ZNF804B: variants seen among roughly 807,000 people sequenced by gnomAD.
ZNF804B encodes zinc finger protein 804B, also known as zinc finger 804B.
In ZNF804B, 80 loss-of-function variants were observed where a neutral mutation model predicts 101.4. That is an observed-to-expected ratio of 0.79 (90% CI 0.66 to 0.95). ZNF804B has a LOEUF of 0.95. Among genes scored for constraint, ZNF804B ranks in the 40% least tolerant of loss-of-function variants. The probability of loss-of-function intolerance (pLI) is 0.00; values close to 1 mark genes in which losing one functional copy is unlikely to be tolerated. For missense variants in ZNF804B, 1,673 were observed against 1,561.9 expected, an observed-to-expected ratio of 1.07 and a Z score of -1.20; for synonymous variants, 622 against 558.8, an observed-to-expected ratio of 1.11 and a Z score of -1.59.
intron 1 of ZNF804B, among the ~76,000 whole-genome samples, chr7:89,189,783 A>C (rs1476324161): frequency 6.6e-6 from 1 of 152,186 alleles, no homozygotes; most frequent in South Asian, 2.1e-4. Flanking sequence ...TCCTCAGATA[A>C]ATTTTTTTCT....
intron 1 of ZNF804B, among the ~76,000 whole-genome samples, chr7:88,841,402 A>G (rs1488332820): frequency 1.3e-5 from 2 of 152,140 alleles, no homozygotes; most frequent in African/African-American, 4.8e-5. Flanking sequence ...CACATAATAA[A>G]GCCACAATAA....
At chr7:89,171,324 TC>T (rs1244761463) in intron 1 of ZNF804B, among the ~76,000 whole-genome samples, 1 of 128,820 alleles carries the variant, frequency 7.8e-6, no homozygotes, top group African/African-American at 2.9e-5. Context: ...TTCTTCTTCT[TC>T]TTCTTCTTCT....
At chr7:89,185,024 A>T (rs1207806290) in intron 1 of ZNF804B, among the ~76,000 whole-genome samples, 2 of 152,318 alleles carry the variant, frequency 1.3e-5, no homozygotes, top group African/African-American at 2.4e-5. Flanking sequence ...AATGATAAGT[A>T]TCCATTATTG....
intron 1 of ZNF804B, among the ~76,000 whole-genome samples, chr7:88,765,881 T>G (rs979497867): frequency 2.0e-4 from 26 of 131,466 alleles, no homozygotes; most frequent in Non-Finnish European, 3.1e-4. Context: ...TTACGTAGTC[T>G]CTCTTGTTTT....
At chr7:88,993,880 C>A (rs1161486448) in intron 1 of ZNF804B, among the ~76,000 whole-genome samples, 1 of 151,866 alleles carries the variant, frequency 6.6e-6, no homozygotes, top group Non-Finnish European at 1.5e-5. Flanking sequence ...TTGAAAGAAA[C>A]AAGTGATTAT....
At chr7:89,013,107 C>T (rs1047830843) in intron 1 of ZNF804B, among the ~76,000 whole-genome samples, 1 of 152,154 alleles carries the variant, frequency 6.6e-6, no homozygotes, top group African/African-American at 2.4e-5. Context: ...GATCCAATTA[C>T]CTCCACCTGG....
chr7:88,977,358 A>G (rs751101774), intron 1 of ZNF804B, among the ~76,000 whole-genome samples: 1 of 151,316 alleles, frequency 6.6e-6, no homozygotes, highest in Admixed American at 6.6e-5. Context: ...AAATTTTACA[A>G]TGAAGCCATC....
intron 1 of ZNF804B, among the ~76,000 whole-genome samples, chr7:88,770,967 A>G (rs1451877800): frequency 6.6e-6 from 1 of 152,220 alleles, no homozygotes; most frequent in African/African-American, 2.4e-5. Context: ...ATTTTAATGT[A>G]GTGCAGGTTT....
chr7:89,148,165 C>T (rs2116401687), intron 1 of ZNF804B, among the ~76,000 whole-genome samples: 1 of 152,040 alleles, frequency 6.6e-6, no homozygotes, highest in East Asian at 1.9e-4. Context: ...ATCTATTAAA[C>T]TTTCTAAATT....
chr7:88,812,155 G>A (rs1193738308), intron 1 of ZNF804B, among the ~76,000 whole-genome samples: 2 of 152,114 alleles, frequency 1.3e-5, no homozygotes, highest in Non-Finnish European at 2.9e-5. Flanking sequence ...TAATAGTTGA[G>A]TACTTAGGCA....
intron 1 of ZNF804B, among the ~76,000 whole-genome samples, chr7:88,800,355 G>T (rs1790559258): frequency 6.6e-6 from 1 of 152,036 alleles, no homozygotes; most frequent in South Asian, 2.1e-4. Context: ...ACGGAACAGT[G>T]TTTGGTAATT....
At chr7:89,203,305 G>A (rs1174083838) in intron 1 of ZNF804B, among the ~76,000 whole-genome samples, 1 of 152,154 alleles carries the variant, frequency 6.6e-6, no homozygotes, top group Non-Finnish European at 1.5e-5. Flanking sequence ...TCTCATAAAT[G>A]CAGGTATATG....
chr7:89,179,386 A>G (rs995974465), intron 1 of ZNF804B, among the ~76,000 whole-genome samples: 1 of 151,448 alleles, frequency 6.6e-6, no homozygotes, highest in Admixed American at 6.6e-5. Context: ...TAAGCTCACT[A>G]TTTCTTTCTT....
At chr7:88,981,514 T>C (rs550269438) in intron 1 of ZNF804B, among the ~76,000 whole-genome samples, 1 of 152,152 alleles carries the variant, frequency 6.6e-6, no homozygotes, top group South Asian at 2.1e-4. Flanking sequence ...GGTCTCTCAC[T>C]GGGTTGCATG....
At chr7:89,229,142 C>A (rs1419991520) in intron 2 of ZNF804B, among the ~76,000 whole-genome samples, 1 of 152,228 alleles carries the variant, frequency 6.6e-6, no homozygotes, top group Non-Finnish European at 1.5e-5. Flanking sequence ...AGGGACCCAG[C>A]TCCGGCCTTG....
intron 1 of ZNF804B, among the ~76,000 whole-genome samples, chr7:89,077,086 G>GAAGAGCTATCTACATAGCCAATGTAGA (rs144602940): frequency 6.6e-6 from 1 of 151,950 alleles, no homozygotes; most frequent in Non-Finnish European, 1.5e-5. Flanking sequence ...CAGTGATGAT[G>GAAGAGCTATCTACATAGCCAATGTAGA]ATGTTCCCTT....
At chr7:89,216,310 A>G (rs1377937593) in intron 1 of ZNF804B, among the ~76,000 whole-genome samples, 2 of 152,258 alleles carry the variant, frequency 1.3e-5, no homozygotes, top group African/African-American at 4.8e-5. Context: ...TCCATCTCAA[A>G]AAAAGAAAAA....
At chr7:88,977,325 A>G (rs1793630322) in intron 1 of ZNF804B, among the ~76,000 whole-genome samples, 1 of 150,254 alleles carries the variant, frequency 6.7e-6, no homozygotes, top group Admixed American at 6.7e-5. Context: ...CATTGGTATT[A>G]GTTCTTTTTT....
intron 2 of ZNF804B, among the ~76,000 whole-genome samples, chr7:89,234,201 G>A (rs1048921314): frequency 2.6e-5 from 4 of 151,850 alleles, no homozygotes; most frequent in Admixed American, 2.6e-4. Flanking sequence ...GCAATTAATT[G>A]TTGAGGTGTA....
Sources: gnomAD v4.1 joint callset for allele counts (sites outside exome capture counted in the v4.1 genomes callset) on GRCh38, gnomAD v4.1.1 for gene constraint, MANE v1.5 for transcripts, NCBI Gene and HGNC (gene_info 2026-07-23, HGNC 2026-07-21) for gene names.